CCDC7: variants seen among roughly 807,000 people sequenced by gnomAD.
CCDC7 encodes the protein coiled-coil domain-containing protein 7.
CCDC7 carries 183 observed loss-of-function variants against 196.9 expected under a neutral mutation model. The observed-to-expected ratio is 0.93, with a 90% CI of 0.82 to 1.05. The LOEUF (loss-of-function observed/expected upper bound fraction) is 1.05, where lower values mean the gene tolerates loss of function less well. CCDC7 is among the 50% of genes least tolerant of loss of function. The pLI, the probability that CCDC7 is intolerant of heterozygous loss-of-function variation, is 0.00. For missense variants in CCDC7, 1,540 were observed against 1,482.2 expected (o/e 1.04, Z -0.64); for synonymous variants, 525 against 484.6 (o/e 1.08, Z -1.10).
At chr10:32,752,658 G>T (rs1457925620) in intron 28 of CCDC7, among the ~76,000 whole-genome samples, 1 of 152,128 alleles carries the variant, frequency 6.6e-6, no homozygotes, top group Non-Finnish European at 1.5e-5. Context: ...AAATAGGCCT[G>T]TGAAAAGTTT....
At chr10:32,692,347 G>A (rs995608509) in intron 23 of CCDC7, among the ~76,000 whole-genome samples, 1 of 152,198 alleles carries the variant, frequency 6.6e-6, no homozygotes, top group Non-Finnish European at 1.5e-5. Flanking sequence ...GGATATCTTG[G>A]TATGTGAATC....
chr10:32,616,817 T>C (rs1159087027), intron 18 of CCDC7, among the ~76,000 whole-genome samples: 1 of 151,934 alleles, frequency 6.6e-6, no homozygotes, highest in African/African-American at 2.4e-5. Context: ...ACCTGTTATG[T>C]TGAAGTATGC....
At chr10:32,656,482 G>T (rs1171797344) in intron 20 of CCDC7, among the ~76,000 whole-genome samples, 2 of 152,194 alleles carry the variant, frequency 1.3e-5, no homozygotes, top group Non-Finnish European at 2.9e-5. Context: ...AGAAGGGGAA[G>T]CAAACACATC....
rs538035778 is a variant in CCDC7, at chr10:32,471,957, C to T, written c.678-524C>T. On this transcript the variant is annotated intron_variant, in intron 6 of 41. Transcript: ENST00000639629. Reference sequence around the variant, plus strand: ...TGTGTACTAGCGATTTTTGTAGTAACTTTACATGTATAATCTTTGATTTTC... The same window carrying T: ...TGTGTACTAGCGATTTTTGTAGTAATTTTACATGTATAATCTTTGATTTTC... Among the ~76,000 whole-genome samples the T allele has an allele frequency of 1.2e-4, 18 of 152,170 alleles. No individual in the cohort carries two copies. The South Asian group carries it at 3.1e-3, about 26-fold the overall frequency.
chr10:32,600,623 C>T (rs1287486835), intron 18 of CCDC7, among the ~76,000 whole-genome samples: 3 of 152,220 alleles, frequency 2.0e-5, no homozygotes, highest in East Asian at 3.9e-4. Context: ...AACCTCTGCT[C>T]GAGACTGCTC....
At chr10:32,822,524 T>C (rs1426891218) in intron 31 of CCDC7, among the ~76,000 whole-genome samples, 1 of 152,118 alleles carries the variant, frequency 6.6e-6, no homozygotes, top group African/African-American at 2.4e-5. Flanking sequence ...TTAAAAGGCA[T>C]AAAGTTATAC....
At chr10:32,749,763 T>C (rs995437238) in intron 28 of CCDC7, among the ~76,000 whole-genome samples, 3 of 152,190 alleles carry the variant, frequency 2.0e-5, no homozygotes, top group African/African-American at 7.2e-5. Context: ...CTTTTTAAAG[T>C]TTACTTTTTA....
intron 2 of CCDC7, among the ~76,000 whole-genome samples, chr10:32,454,577 T>TA (rs150293880): frequency 0.14 from 20,715 of 146,720 alleles, 1,708 homozygotes; most frequent in East Asian, 0.25. Flanking sequence ...AAACAAAAGT[T>TA]AAAAAAAAAA....
intron 41 of CCDC7, among the ~76,000 whole-genome samples, chr10:32,870,223 C>T (rs931935477): frequency 3.9e-5 from 6 of 151,968 alleles, no homozygotes; most frequent in African/African-American, 1.4e-4. Flanking sequence ...ATTCTTCCTA[C>T]CCATGAGCAT....
intron 29 of CCDC7, among the ~76,000 whole-genome samples, chr10:32,802,342 C>T (rs1438397103): frequency 6.6e-6 from 1 of 152,120 alleles, no homozygotes; most frequent in African/African-American, 2.4e-5. Context: ...GTATCAAATG[C>T]ATTTATTTTG....
At chr10:32,689,095 A>G (rs2076782171) in exon 23 of CCDC7, 1 of 1,609,022 alleles carries the variant, frequency 6.2e-7, no homozygotes, top group Middle Eastern at 1.7e-4. Context: ...CTTAGGCATC[A>G]AGACTCAATG....
chr10:32,513,611 A>G (rs554271196), intron 9 of CCDC7: 1 of 152,318 alleles, frequency 6.6e-6, no homozygotes, highest in South Asian at 2.1e-4. Context: ...CCAAAATACT[A>G]GCAAACTGAA....
At chr10:32,544,443 A>T in intron 13 of CCDC7, 142 bp downstream of exon 14, 1 of 718,196 alleles carries the variant, frequency 1.4e-6, no homozygotes, top group South Asian at 5.3e-5. Flanking sequence ...TGTGTGTACT[A>T]AAATTCTTCC....
intron 21 of CCDC7, 79 bp downstream of exon 22, chr10:32,664,240 A>C (rs556265205): frequency 2.6e-6 from 1 of 379,138 alleles, no homozygotes; most frequent in Admixed American, 4.5e-5. Context: ...ATATACATTC[A>C]TCATGTACTA....
chr10:32,566,467 A>G (rs2056808024), intron 14 of CCDC7, among the ~76,000 whole-genome samples: 1 of 152,212 alleles, frequency 6.6e-6, no homozygotes, highest in African/African-American at 2.4e-5. Context: ...GGAGTTTGCT[A>G]AGACAATTAT....
At chr10:32,817,306 A>T (rs1487274596) in intron 31 of CCDC7, among the ~76,000 whole-genome samples, 2 of 152,146 alleles carry the variant, frequency 1.3e-5, no homozygotes, top group East Asian at 3.9e-4. Context: ...AAAAAGAAAC[A>T]AACAAAGCCT....
intron 28 of CCDC7, among the ~76,000 whole-genome samples, chr10:32,757,696 G>C (rs2076705207): frequency 6.6e-6 from 1 of 152,156 alleles, no homozygotes; most frequent in Non-Finnish European, 1.5e-5. Context: ...AAAAGAACTA[G>C]AGAAGCAAGA....
At chr10:32,835,881 T>C (rs2092561873) in intron 33 of CCDC7, among the ~76,000 whole-genome samples, 1 of 152,126 alleles carries the variant, frequency 6.6e-6, no homozygotes, top group Admixed American at 6.6e-5. Context: ...TCATTTTATA[T>C]TTCTGGCTTA....
chr10:32,559,362 C>A (rs2054973337), intron 13 of CCDC7, among the ~76,000 whole-genome samples: 1 of 152,264 alleles, frequency 6.6e-6, no homozygotes, highest in Non-Finnish European at 1.5e-5. Flanking sequence ...AACGGACAGA[C>A]TGCCTCCTCA....
Sources: gnomAD v4.1 joint callset for allele counts (sites outside exome capture counted in the v4.1 genomes callset) on GRCh38, gnomAD v4.1.1 for gene constraint, MANE v1.5 for transcripts, NCBI Gene and HGNC (gene_info 2026-07-23, HGNC 2026-07-21) for gene names.